Variants in ZNF154 observed in about 807,000 individuals in gnomAD.
ZNF154 encodes the protein zinc finger protein 154 (pHZ-92).
ZNF154 carries 6 observed loss-of-function variants against 7.5 expected under a neutral mutation model. That is an observed-to-expected ratio of 0.80 (90% CI 0.44 to 1.57). The LOEUF is 1.57. ZNF154 is among the 40% of genes most tolerant of loss of function. The probability of loss-of-function intolerance (pLI) is 0.01; values close to 1 mark genes in which losing one functional copy is unlikely to be tolerated. For synonymous variants in ZNF154, 187 were observed against 185.9 expected (o/e 1.01, Z -0.05); for missense variants, 485 against 531.4 (o/e 0.91, Z 0.86).
chr19:57,704,888 A>C lies in ZNF154; in HGVS notation c.125T>G (p.Val42Gly), dbSNP rs768501825. 3.7e-6 allele frequency: 6 copies of C among 1,613,452 alleles called. No homozygotes were observed. The East Asian group carries it at 1.3e-4, about 36-fold the overall frequency. The change falls in exon 2 of 3, where the codon GTG (valine) becomes GGG (glycine). Residue 42 changes from valine to glycine, a missense_variant. Coordinates refer to ENST00000684351, the MANE Select transcript of ZNF154 (RefSeq NM_001085384.3). ...TAAAAGAGCCAAGTTCTCCAGCATCACATCACGGTACAGGCATCTTTGAGC... is the reference window on the plus strand; with the variant it reads ...TAAAAGAGCCAAGTTCTCCAGCATCCCATCACGGTACAGGCATCTTTGAGC... ...DEAQRCLYRDVMLENLALLTS... is the reference protein window; with the variant it reads ...DEAQRCLYRDGMLENLALLTS...
rs748313159 is a variant in ZNF154, at chr19:57,701,674, G to A, written c.1275C>T (p.Asn425=). The A allele has an allele frequency of 1.2e-6, 2 of 1,613,900 alleles. No homozygotes were observed. Among genetic ancestry groups the A allele is most frequent in the Admixed American group, 1.7e-5 (1 of 60,030 alleles). The change falls in exon 3 of 3, where the codon AAC becomes AAT. Residue 425 remains asparagine (N), a synonymous_variant. Transcript: ENST00000684351. The part of the protein sequence containing the change: ...CTECGKSFSH[N]SSLIKHQRIH... ...TTCTCTGATGTTTAATAAGGCTGGA[G>A]TTATGGCTAAAGGATTTCCCACATT... is the stretch of plus-strand genomic sequence containing the variant.
At position 57,699,210 on chromosome 19, in the gene ZNF154, C is replaced by G. The variant is rs1344461712; in HGVS notation, c.*2425G>C. On this transcript the variant is annotated 3_prime_UTR_variant, in exon 3 of 3. Transcript: ENST00000684351. ...TCAAGTGATTCTCCTGCCTCAGCCTCCCAAGTAGCTGGGACTACAGGCACA... is the reference window on the plus strand; with the variant it reads ...TCAAGTGATTCTCCTGCCTCAGCCTGCCAAGTAGCTGGGACTACAGGCACA... 6.5e-6 allele frequency: 1 copy of G among 153,516 alleles called. No individual in the cohort carries two copies. Among genetic ancestry groups the G allele is most frequent in the Non-Finnish European group, 1.5e-5 (1 of 68,930 alleles). The allele number at this position is 153,516 out of a possible 1,614,324, so 9.5% of individuals were successfully genotyped here.
rs370776617 is a variant in ZNF154 at position 57,702,740 on chromosome 19, T to C, written c.209A>G (p.Asn70Ser). ...CTTCACAAACAAGGCTCTGCCCACA[T>C]TGCTTCTGAAATGTTTTTCTCCAAG... The part of the protein sequence containing the change: ...QHLGEKHFRS[N>S]VGRALFVKTC... The change falls in exon 3 of 3, where the codon AAT becomes AGT. Residue 70 changes from asparagine to serine, a missense_variant. Asn to Ser is a conservative substitution (Grantham distance 46). Coordinates refer to ENST00000684351, the MANE Select transcript of ZNF154 (RefSeq NM_001085384.3). 26 of 1,604,584 alleles carry C rather than the reference T, an allele frequency of 1.6e-5. No individual in the cohort carries two copies. The highest frequency in any genetic ancestry group is 2.2e-5 in the Non-Finnish European group (26 of 1,172,292).
chr19:57,708,904 G>C, intron 1 of ZNF154, 35 bp downstream of exon 1: 1 of 1,555,454 alleles, frequency 6.4e-7, no homozygotes, highest in African/African-American at 1.4e-5. Flanking sequence ...GTGGGTGGGG[G>C]AAGGTGTGTG....
chr19:57,704,073 C>T (rs765662672), intron 2 of ZNF154, among the ~76,000 whole-genome samples: 4 of 152,128 alleles, frequency 2.6e-5, no homozygotes, highest in African/African-American at 9.7e-5. Flanking sequence ...GAAAGAACTG[C>T]AGGTGTAGCA....
Position 57,709,030 on chromosome 19 carries a change from G to A in ZNF154, c.-59C>T, listed in dbSNP as rs1985520993. The A allele has an allele frequency of 5.2e-6, 8 of 1,548,294 alleles. No individual in the cohort carries two copies. The South Asian group carries it at 9.5e-5, about 18-fold the overall frequency. ...CGGGCGACATTGGTAGGGACCCGGG[G>A]ACAGCGGTCCCTATCCCAGGCCTGA... is the stretch of plus-strand genomic sequence containing the variant. On this transcript the variant is annotated 5_prime_UTR_variant, in exon 1 of 3. Transcript: ENST00000684351.
At chr19:57,704,451 T>A (rs956612950) in intron 2 of ZNF154, among the ~76,000 whole-genome samples, 8 of 152,226 alleles carry the variant, frequency 5.3e-5, no homozygotes, top group African/African-American at 1.9e-4. Flanking sequence ...ATGGTCTACA[T>A]AAGTAGTGAC....
In ZNF154 at chr19:57,702,321, C is replaced by G; in HGVS notation, c.628G>C (p.Val210Leu). 1.2e-6 allele frequency: 2 copies of G among 1,612,890 alleles called. No individual in the cohort carries two copies. Among genetic ancestry groups the G allele is most frequent in the South Asian group, 2.2e-5 (2 of 91,074 alleles). The change falls in exon 3 of 3, where the codon GTT (valine) becomes CTT (leucine). Residue 210 changes from valine (V) to leucine (L), a missense_variant. Transcript: ENST00000684351. Reference sequence around the variant, plus strand: ...TCATGAGGTCGTACTGCAGTGTGAACTCTCCGGTGCTGAATGAGACTAGAG... The same window carrying G: ...TCATGAGGTCGTACTGCAGTGTGAAGTCTCCGGTGCTGAATGAGACTAGAG... ...QSSSLIQHRR[V>L]HTAVRPHECD...
rs547634597 is a variant in ZNF154, at chr19:57,699,697, C to T, written c.*1938G>A. On this transcript the variant is annotated 3_prime_UTR_variant, in exon 3 of 3. Transcript: ENST00000684351. Reference sequence around the variant, plus strand: ...GGAATGGTGAAAAAGCTTGGCTGGGCGCAGTGGCTCATGCCTGTAAATCCC... The same window carrying T: ...GGAATGGTGAAAAAGCTTGGCTGGGTGCAGTGGCTCATGCCTGTAAATCCC... 3.2e-5 allele frequency: 5 copies of T among 158,394 alleles called. No individual in the cohort carries two copies. Among genetic ancestry groups the T allele is most frequent in the East Asian group, 3.7e-4 (2 of 5,372 alleles). The allele number at this position is 158,394 out of a possible 1,614,324, so 9.8% of individuals were successfully genotyped here. A position where few individuals can be genotyped will look rare whatever the true frequency, so the allele number is the denominator to read the frequency against.
Position 57,704,906 on chromosome 19 carries a change from C to T in ZNF154, c.107G>A (p.Arg36Lys). 6.2e-7 allele frequency: 1 copy of T among 1,613,934 alleles called. No homozygotes were observed. The highest frequency in any genetic ancestry group is 8.5e-7 in the Non-Finnish European group (1 of 1,179,938). ...EEWGLLDEAQ[R>K]CLYRDVMLEN... ...CAGCATCACATCACGGTACAGGCAT[C>T]TTTGAGCCTCATCAAGGAGACCCCA... The change falls in exon 2 of 3, where the codon AGA (arginine) becomes AAA (lysine). Residue 36 changes from arginine (R) to lysine (K), a missense_variant. Arg to Lys is a conservative substitution (Grantham distance 26). Coordinates refer to ENST00000684351, the MANE Select transcript of ZNF154 (RefSeq NM_001085384.3).
chr19:57,707,196 T>C (rs1040511520), intron 1 of ZNF154, among the ~76,000 whole-genome samples: 2 of 151,716 alleles, frequency 1.3e-5, no homozygotes, highest in African/African-American at 2.4e-5. Context: ...GACCACCACA[T>C]TTTGGATGTC....
At chr19:57,707,576 G>A (rs77940220) in intron 1 of ZNF154, among the ~76,000 whole-genome samples, 2,680 of 152,102 alleles carry the variant, frequency 0.018, 94 homozygotes, top group African/African-American at 0.062. Flanking sequence ...CCACGCTAAC[G>A]GGATGGACCC....
chr19:57,696,522 G>C lies in ZNF154; in HGVS notation c.*5113C>G, dbSNP rs535262912. Reference sequence around the variant, plus strand: ...GCAAAACCAGCAGAGTCCTGATGCTGGGCAGTGGCAGAGGAGGGATTAAAC... The same window carrying C: ...GCAAAACCAGCAGAGTCCTGATGCTCGGCAGTGGCAGAGGAGGGATTAAAC... On this transcript the variant is annotated 3_prime_UTR_variant, in exon 3 of 3. Coordinates refer to ENST00000684351, the MANE Select transcript of ZNF154 (RefSeq NM_001085384.3). Among the ~76,000 whole-genome samples the C allele has an allele frequency of 2.4e-4, 36 of 152,250 alleles. No individual in the cohort carries two copies. In the South Asian group the frequency reaches 2.5e-3, roughly 11 times the overall value.
In ZNF154 at chr19:57,702,234, G is replaced by T; in HGVS notation, c.715C>A (p.His239Asn). 6.2e-7 allele frequency: 1 copy of T among 1,614,224 alleles called. No homozygotes were observed. The stretch of plus-strand genomic sequence containing the variant: ...CACTCATATGGCCTTTCCCCAGTGT[G>T]AACTCTCCGATGTTTAATGAGGTTA... ...KSNLIKHRRV[H>N]TGERPYECSE... is the part of the protein sequence containing the mutation. Residue 239 changes from histidine (H) to asparagine (N), a missense_variant, in exon 3 of 3, where the codon CAC becomes AAC. Coordinates refer to ENST00000684351, the MANE Select transcript of ZNF154 (RefSeq NM_001085384.3).
In ZNF154 at chr19:57,702,885, T is replaced by A. The variant is rs571192715; in HGVS notation, c.161-97A>T. On this transcript the variant is annotated intron_variant, in intron 2 of 2. Coordinates refer to ENST00000684351, the MANE Select transcript of ZNF154 (RefSeq NM_001085384.3). ...GGCCCAGCCAAGAGCAAAATGTCTC[T>A]CAAGACCAGGCTACACGTCTCACAG... The A allele has an allele frequency of 2.6e-5, 32 of 1,223,248 alleles. No homozygotes were observed. In the African/African-American group the frequency reaches 4.7e-4, roughly 18 times the overall value. The allele number at this position is 1,223,248 out of a possible 1,614,324, so 75.8% of individuals were successfully genotyped here.
At chr19:57,706,258 G>GGCTC (rs1985385511) in intron 1 of ZNF154, among the ~76,000 whole-genome samples, 1 of 152,070 alleles carries the variant, frequency 6.6e-6, no homozygotes, top group Non-Finnish European at 1.5e-5. Flanking sequence ...ATCCTATGAG[G>GGCTC]GCTCCCTGGC....
chr19:57,703,350 G>A (rs1242444510), intron 2 of ZNF154, among the ~76,000 whole-genome samples: 3 of 151,966 alleles, frequency 2.0e-5, no homozygotes, highest in Non-Finnish European at 4.4e-5. Context: ...GCTGGACATG[G>A]TGGTGGGTGC....
In ZNF154 at chr19:57,701,673, A is replaced by C. The variant is rs774971872; in HGVS notation, c.1276T>G (p.Ser426Ala). 3.7e-6 allele frequency: 6 copies of C among 1,613,846 alleles called. No individual in the cohort carries two copies. In the Admixed American group the frequency reaches 1.0e-4, roughly 27 times the overall value. The change falls in exon 3 of 3, where the codon TCC (serine) becomes GCC (alanine). Residue 426 changes from serine to alanine, a missense_variant. Coordinates refer to ENST00000684351, the MANE Select transcript of ZNF154 (RefSeq NM_001085384.3). ...TECGKSFSHNSSLIKHQRIHS... is the reference protein window; with the variant it reads ...TECGKSFSHNASLIKHQRIHS... Reference sequence around the variant, plus strand: ...ATTCTCTGATGTTTAATAAGGCTGGAGTTATGGCTAAAGGATTTCCCACAT... The same window carrying C: ...ATTCTCTGATGTTTAATAAGGCTGGCGTTATGGCTAAAGGATTTCCCACAT...
intron 1 of ZNF154, among the ~76,000 whole-genome samples, chr19:57,707,113 C>CTAAAAAAAAAAAAA (rs1985424689): frequency 1.1e-5 from 1 of 94,300 alleles, no homozygotes; most frequent in East Asian, 2.7e-4. Context: ...CACTCCATCT[C>CTAAAAAAAAAAAAA]AAAAAAAAAA....
Sources: gnomAD v4.1 joint callset for allele counts (sites outside exome capture counted in the v4.1 genomes callset) on GRCh38, gnomAD v4.1.1 for gene constraint, MANE v1.5 for transcripts, NCBI Gene and HGNC (gene_info 2026-07-23, HGNC 2026-07-21) for gene names.